The following DPP6 variants were observed in gnomAD, a reference collection of about 807,000 sequenced individuals.
DPP6 encodes the protein dipeptidyl peptidase like 6, also known as A-type potassium channel modulatory protein DPP6.
Under a neutral mutation model 122.6 loss-of-function variants are expected in DPP6, and 69 were observed. The ratio of observed to expected loss-of-function variants is 0.56; its 90% confidence interval spans 0.46 to 0.69. The LOEUF (loss-of-function observed/expected upper bound fraction) is 0.69. Among genes scored for constraint, DPP6 ranks in the 30% least tolerant of loss-of-function variants. DPP6 has a pLI of 0.00. For missense variants in DPP6, 928 were observed against 1,116.9 expected, an observed-to-expected ratio of 0.83 and a Z score of 2.41; for synonymous variants, 418 against 433.1, an observed-to-expected ratio of 0.97 and a Z score of 0.43.
At chr7:153,785,166 CTT>C in the DPP6 span, among the ~76,000 whole-genome samples, 17 of 152,160 alleles carry the variant, frequency 1.1e-4, no homozygotes, top group African/African-American at 3.9e-4. Context: ...AGGAGGGACA[CTT>C]AGTAACGAGG....
chr7:153,978,651 GC>G (rs1227258110), intron 1 of DPP6, among the ~76,000 whole-genome samples: 3 of 152,128 alleles, frequency 2.0e-5, no homozygotes, highest in Non-Finnish European at 4.4e-5. Context: ...GAATGGTATT[GC>G]CTAGGTTTTC....
intron 5 of DPP6, among the ~76,000 whole-genome samples, chr7:154,631,384 G>A (rs1703712631): frequency 1.3e-5 from 2 of 152,220 alleles, no homozygotes; most frequent in Admixed American, 6.5e-5. Context: ...CACGTGTTTG[G>A]TAGATAAGGG....
intron 1 of DPP6, among the ~76,000 whole-genome samples, chr7:154,279,055 A>G (rs937871923): frequency 6.7e-6 from 1 of 150,002 alleles, no homozygotes; most frequent in Non-Finnish European, 1.5e-5. Flanking sequence ...ATGTGTGTGT[A>G]TATATGTGTG....
At chr7:154,256,964 T>TG (rs1310865162) in intron 1 of DPP6, among the ~76,000 whole-genome samples, 10 of 151,660 alleles carry the variant, frequency 6.6e-5, no homozygotes, top group African/African-American at 2.4e-4. Flanking sequence ...AATACCCCCT[T>TG]GGGTTCTTTT....
chr7:154,566,772 C>A (rs1320448603), intron 4 of DPP6, 70 bp from the exon 5 acceptor site: 2 of 877,564 alleles, frequency 2.3e-6, no homozygotes, highest in South Asian at 3.4e-5. Context: ...CCAGCAGATA[C>A]AATTTTATTA....
chr7:154,201,738 G>A (rs947802641), intron 1 of DPP6, among the ~76,000 whole-genome samples: 24 of 152,214 alleles, frequency 1.6e-4, no homozygotes, highest in Middle Eastern at 6.8e-3. Flanking sequence ...TCCGTGATCC[G>A]TGTGTCATGG....
At chr7:154,616,143 G>C (rs1318146550) in intron 5 of DPP6, among the ~76,000 whole-genome samples, 1 of 152,166 alleles carries the variant, frequency 6.6e-6, no homozygotes, top group African/African-American at 2.4e-5. Context: ...GGCGTTATCA[G>C]AGTCAGTCAC....
At chr7:154,647,148 G>C (rs11764731) in intron 6 of DPP6, among the ~76,000 whole-genome samples, 18,055 of 152,184 alleles carry the variant, frequency 0.12, 1,402 homozygotes, top group Non-Finnish European at 0.17. Flanking sequence ...GCCATGCTGA[G>C]GAGCAAGAAT....
upstream of DPP6, among the ~76,000 whole-genome samples, chr7:154,050,646 A>G (rs1800253401): frequency 6.6e-6 from 1 of 151,148 alleles, no homozygotes; most frequent in African/African-American, 2.4e-5. Flanking sequence ...TTTAAAGTTT[A>G]GTTTTATGGC....
At chr7:153,839,109 G>T in the DPP6 span, among the ~76,000 whole-genome samples, 1 of 151,972 alleles carries the variant, frequency 6.6e-6, no homozygotes, top group Non-Finnish European at 1.5e-5. Context: ...GACCACACTG[G>T]CAACCACTGC....
At chr7:154,459,805 C>CAAAAAAAAAAAAAAAAAAAAA (rs775605275) in intron 2 of DPP6, among the ~76,000 whole-genome samples, 6 of 63,038 alleles carry the variant, frequency 9.5e-5, no homozygotes, top group East Asian at 4.3e-4. Context: ...GATTCCATCT[C>CAAAAAAAAAAAAAAAAAAAAA]AAAAAAAAAA....
chr7:153,893,733 A>C (rs1373905940), intron 1 of DPP6, among the ~76,000 whole-genome samples: 1 of 152,262 alleles, frequency 6.6e-6, no homozygotes, highest in African/African-American at 2.4e-5. Flanking sequence ...AAAATGTTTT[A>C]CTTGGGAAGC....
chr7:154,510,959 CACACACACACACAG>C (rs1266971880), intron 3 of DPP6, among the ~76,000 whole-genome samples: 1 of 151,144 alleles, frequency 6.6e-6, no homozygotes, highest in East Asian at 1.9e-4. Context: ...CACACACACA[CACACACACACACAG>C]AGAGAGAGAG....
intron 4 of DPP6, among the ~76,000 whole-genome samples, chr7:154,555,685 C>A (rs972545720): frequency 6.6e-6 from 1 of 151,770 alleles, no homozygotes; most frequent in African/African-American, 2.4e-5. Flanking sequence ...CTTAATATGG[C>A]TAAATACAAG....
At chr7:154,574,793 G>GT (rs1831408963) in intron 5 of DPP6, among the ~76,000 whole-genome samples, 1 of 102,760 alleles carries the variant, frequency 9.7e-6, no homozygotes, top group Non-Finnish European at 1.8e-5. Context: ...GTGTGTGTGT[G>GT]GTGTGTGTTT....
At chr7:154,061,795 C>T (rs1433353451) in intron 1 of DPP6, among the ~76,000 whole-genome samples, 37 of 137,058 alleles carry the variant, frequency 2.7e-4, no homozygotes, top group African/African-American at 5.3e-4. Context: ...GCACCCCTCG[C>T]GACGCGGGGA....
At chr7:154,063,039 G>A (rs1455453293) in intron 1 of DPP6, among the ~76,000 whole-genome samples, 1 of 134,322 alleles carries the variant, frequency 7.4e-6, no homozygotes, top group Non-Finnish European at 1.6e-5. Context: ...ATCACAGGAG[G>A]GGGAGGCACC....
At chr7:154,495,990 C>T (rs187136246) in intron 3 of DPP6, among the ~76,000 whole-genome samples, 2 of 152,310 alleles carry the variant, frequency 1.3e-5, no homozygotes, top group East Asian at 1.9e-4. Context: ...AAGAACTTCT[C>T]CTCCACTGGG....
At chr7:154,462,650 A>C (rs1403026777) in intron 2 of DPP6, among the ~76,000 whole-genome samples, 1 of 151,688 alleles carries the variant, frequency 6.6e-6, no homozygotes, top group Non-Finnish European at 1.5e-5. Context: ...TTCTTTTTTT[A>C]AATTTTATTA....
Sources: allele counts gnomAD v4.1 joint callset (sites outside exome capture counted in the v4.1 genomes callset), GRCh38; gene constraint gnomAD v4.1.1; transcripts MANE v1.5; gene names NCBI Gene and HGNC (gene_info 2026-07-23, HGNC 2026-07-21).